Variants in BCL2L13 observed in about 807,000 individuals in gnomAD.
BCL2L13 encodes bcl-2-like protein 13.
A neutral mutation model predicts 25.8 loss-of-function variants in BCL2L13; 13 were observed. The ratio of observed to expected loss-of-function variants is 0.50; its 90% CI spans 0.33 to 0.80. BCL2L13 has a LOEUF of 0.80. BCL2L13 is among the 30% of genes least tolerant of loss of function. The pLI is 0.02. For synonymous variants in BCL2L13, 244 were observed against 230.3 expected (o/e 1.06, Z -0.54); for missense variants, 504 against 574.9 (o/e 0.88, Z 1.26).
intron 1 of BCL2L13, among the ~76,000 whole-genome samples, chr22:17,630,965 C>T (rs567893525): frequency 2.1e-4 from 32 of 152,082 alleles, no homozygotes; most frequent in Admixed American, 7.9e-4. Context: ...ACCTTTATAA[C>T]CTGGATTGGA....
intron 1 of BCL2L13, among the ~76,000 whole-genome samples, chr22:17,647,025 A>T (rs1480120635): frequency 1.5e-5 from 2 of 132,052 alleles, no homozygotes; most frequent in East Asian, 5.0e-4. Flanking sequence ...CCAGGCTGGA[A>T]TGCAGTGGCA....
chr22:17,709,033 A>C (rs938629511), intron 6 of BCL2L13, among the ~76,000 whole-genome samples: 8 of 151,446 alleles, frequency 5.3e-5, no homozygotes, highest in Non-Finnish European at 8.8e-5. Flanking sequence ...CAGGAGATCG[A>C]GACCATCCTG....
intron 6 of BCL2L13, among the ~76,000 whole-genome samples, chr22:17,721,750 T>C (rs1392259732): frequency 6.6e-6 from 1 of 152,172 alleles, no homozygotes; most frequent in Non-Finnish European, 1.5e-5. Flanking sequence ...GGTTTCAAAC[T>C]CCTGACCTCA....
intron 6 of BCL2L13, among the ~76,000 whole-genome samples, chr22:17,712,531 T>C (rs2060791925): frequency 6.6e-6 from 1 of 152,234 alleles, no homozygotes; most frequent in African/African-American, 2.4e-5. Context: ...CCTGAGCCTT[T>C]CTTTCTGATC....
chr22:17,716,834 T>C (rs2060959876), intron 6 of BCL2L13, among the ~76,000 whole-genome samples: 1 of 152,106 alleles, frequency 6.6e-6, no homozygotes, highest in African/African-American at 2.4e-5. Context: ...TAATTGATGG[T>C]GTGTAAGAGG....
At chr22:17,633,069 T>G (rs1312701983) in intron 1 of BCL2L13, among the ~76,000 whole-genome samples, 4 of 152,164 alleles carry the variant, frequency 2.6e-5, no homozygotes, top group Non-Finnish European at 4.4e-5. Flanking sequence ...TTACTTATTT[T>G]TATTTTGAGA....
At chr22:17,726,625 T>C (rs2061305998) in intron 6 of BCL2L13, 52 bp from the exon 7 acceptor site, 2 of 1,553,432 alleles carry the variant, frequency 1.3e-6, no homozygotes, top group Non-Finnish European at 1.7e-6. Flanking sequence ...TTGATGTTTA[T>C]GTTTTAAATA....
upstream of BCL2L13, among the ~76,000 whole-genome samples, chr22:17,636,261 T>C (rs954894019): frequency 6.6e-6 from 1 of 150,826 alleles, no homozygotes; most frequent in Non-Finnish European, 1.5e-5. Flanking sequence ...GAGGCTGAGG[T>C]TGCAGTGAGC....
intron 2 of BCL2L13, among the ~76,000 whole-genome samples, chr22:17,656,849 C>CA (rs1332074549): frequency 6.6e-6 from 1 of 152,058 alleles, no homozygotes; most frequent in African/African-American, 2.4e-5. Context: ...GATGGAGTCT[C>CA]ACTCTGTTGC....
intron 6 of BCL2L13, among the ~76,000 whole-genome samples, chr22:17,716,721 A>G (rs2060955573): frequency 6.6e-6 from 1 of 152,236 alleles, no homozygotes; most frequent in Admixed American, 6.5e-5. Context: ...TCAGAAAATT[A>G]TAAATAGACT....
At chr22:17,709,328 C>T (rs1276134495) in intron 6 of BCL2L13, among the ~76,000 whole-genome samples, 4 of 152,178 alleles carry the variant, frequency 2.6e-5, no homozygotes, top group South Asian at 4.1e-4. Flanking sequence ...GACGTGGTGG[C>T]TCACGCCTGT....
At chr22:17,725,605 CAT>C (rs1275976504) in intron 6 of BCL2L13, among the ~76,000 whole-genome samples, 3 of 152,168 alleles carry the variant, frequency 2.0e-5, no homozygotes, top group Non-Finnish European at 4.4e-5. Flanking sequence ...TGGACTATGA[CAT>C]AGCATTATTT....
In BCL2L13 at chr22:17,727,843, G is replaced by C. The variant is rs1055381589; in HGVS notation, c.*309G>C. 23 of 384,610 alleles carry C rather than the reference G, an allele frequency of 6.0e-5. No individual in the cohort carries two copies. In the Admixed American group the frequency reaches 6.8e-4, roughly 11 times the overall value. The allele number at this position is 384,610 out of a possible 1,614,324, so 23.8% of individuals were successfully genotyped here. A position where few individuals can be genotyped will look rare whatever the true frequency, so the allele number is the denominator to read the frequency against. On this transcript the variant is annotated 3_prime_UTR_variant, in exon 7 of 7. Coordinates refer to ENST00000317582, the MANE Select transcript of BCL2L13 (RefSeq NM_015367.4). ...TCTGACCATTCTCTGTGTTGGGGCTGTCCTGTGTGTGGTGGGCTCCACCCA... is the reference window on the plus strand; with the variant it reads ...TCTGACCATTCTCTGTGTTGGGGCTCTCCTGTGTGTGGTGGGCTCCACCCA...
chr22:17,656,961 G>A (rs1295407640), intron 2 of BCL2L13, among the ~76,000 whole-genome samples: 1 of 152,158 alleles, frequency 6.6e-6, no homozygotes, highest in African/African-American at 2.4e-5. Context: ...TGGGACTATA[G>A]GCGCACGCTG....
intron 2 of BCL2L13, among the ~76,000 whole-genome samples, chr22:17,679,551 T>C (rs778214348): frequency 6.6e-6 from 1 of 152,014 alleles, no homozygotes; most frequent in Non-Finnish European, 1.5e-5. Context: ...ATTACAGGCG[T>C]GAGCCACTGT....
intron 2 of BCL2L13, among the ~76,000 whole-genome samples, chr22:17,659,233 G>T (rs1222206925): frequency 6.9e-6 from 1 of 145,536 alleles, no homozygotes; most frequent in Non-Finnish European, 1.6e-5. Flanking sequence ...GTATGTTGGC[G>T]GATGCCTGTA....
At chr22:17,671,565 CAAAAAAA>C (rs35668910) in intron 2 of BCL2L13, among the ~76,000 whole-genome samples, 2 of 141,234 alleles carry the variant, frequency 1.4e-5, no homozygotes, top group Non-Finnish European at 3.1e-5. Flanking sequence ...GGCTACATCT[CAAAAAAA>C]AAAAAAAATC....
chr22:17,650,129 C>G (rs1289739501), intron 1 of BCL2L13, among the ~76,000 whole-genome samples: 1 of 152,024 alleles, frequency 6.6e-6, no homozygotes, highest in Non-Finnish European at 1.5e-5. Flanking sequence ...CTCAGCCTCC[C>G]AAAGTGCTGG....
chr22:17,629,818 T>C (rs12160545), intron 1 of BCL2L13, among the ~76,000 whole-genome samples: 11,372 of 148,482 alleles, frequency 0.077, 760 homozygotes, highest in African/African-American at 0.11. Context: ...TTTATTTTCA[T>C]ACACACACAC....
Sources: allele counts gnomAD v4.1 joint callset (sites outside exome capture counted in the v4.1 genomes callset), GRCh38; gene constraint gnomAD v4.1.1; transcripts MANE v1.5; gene names NCBI Gene and HGNC (gene_info 2026-07-23, HGNC 2026-07-21).